The following CCDC175 variants were observed in gnomAD, a reference collection of about 807,000 sequenced individuals.
CCDC175 encodes coiled-coil domain-containing protein 175.
Under a neutral mutation model 114.6 loss-of-function variants are expected in CCDC175, and 100 were observed. That is an observed-to-expected ratio of 0.87 (90% CI 0.74 to 1.03). The LOEUF (loss-of-function observed/expected upper bound fraction) is 1.03. CCDC175 is among the 50% of genes least tolerant of loss of function. CCDC175 has a pLI of 0.00. For synonymous variants in CCDC175, 306 were observed against 308.7 expected, an observed-to-expected ratio of 0.99 and a Z score of 0.09; for missense variants, 880 against 917.8, an observed-to-expected ratio of 0.96 and a Z score of 0.53.
At chr14:59,537,205 T>G (rs73305649) in intron 13 of CCDC175, among the ~76,000 whole-genome samples, 2,575 of 152,312 alleles carry the variant, frequency 0.017, 69 homozygotes, top group African/African-American at 0.058. Context: ...GTGACTACTT[T>G]CTTTTGGTTA....
At chr14:59,575,077 C>A in intron 1 of CCDC175, 49 bp from the exon 2 acceptor site, 2 of 1,035,284 alleles carry the variant, frequency 1.9e-6, no homozygotes, top group Non-Finnish European at 2.8e-6. Flanking sequence ...CTATCCAAAT[C>A]CTACTTAACC....
At chr14:59,534,415 A>T (rs1434823173) in intron 13 of CCDC175, among the ~76,000 whole-genome samples, 4 of 152,042 alleles carry the variant, frequency 2.6e-5, no homozygotes, top group Non-Finnish European at 5.9e-5. Flanking sequence ...ATTCCAGTCC[A>T]CCCTCGCTCA....
At chr14:59,550,795 C>T (rs1457418014) in intron 8 of CCDC175, among the ~76,000 whole-genome samples, 2 of 152,144 alleles carry the variant, frequency 1.3e-5, no homozygotes, top group South Asian at 2.1e-4. Context: ...CCTGGCCGCA[C>T]TGGCAGCTGA....
chr14:59,507,312 C>T (rs1329879583), intron 19 of CCDC175, among the ~76,000 whole-genome samples: 1 of 152,228 alleles, frequency 6.6e-6, no homozygotes, highest in African/African-American at 2.4e-5. Context: ...CTGATAGCCA[C>T]TTTCTAGAAG....
In CCDC175 at chr14:59,519,727, T is replaced by C. The variant is rs370003063; in HGVS notation, c.2098+1847A>G. 1.3e-4 allele frequency among the ~76,000 whole-genome samples: 20 copies of C among 152,340 alleles called. 2 individuals are homozygous for C. Among genetic ancestry groups the C allele is most frequent in the Admixed American group, 8.5e-4 (13 of 15,304 alleles). ...TGACATGATGCTGACACTTCTTCCA[T>C]TGAGAGGTGGTGGCTATGACCCCTC... On this transcript the variant is annotated intron_variant, in intron 17 of 19. Transcript: ENST00000537690.
At chr14:59,565,730 T>C in intron 4 of CCDC175, among the ~76,000 whole-genome samples, 1 of 150,950 alleles carries the variant, frequency 6.6e-6, no homozygotes, top group East Asian at 1.9e-4. Flanking sequence ...AAAATTGAGA[T>C]GAGGACAGAA....
At position 59,576,612 on chromosome 14, in the gene CCDC175, G is replaced by A. The variant is rs776773115; in HGVS notation, c.157+7C>T. 1.1e-5 allele frequency: 16 copies of A among 1,442,270 alleles called. No individual in the cohort carries two copies. In the South Asian group the frequency reaches 2.3e-4, roughly 20 times the overall value. The allele number at this position is 1,442,270 out of a possible 1,614,324, so 89.3% of individuals were successfully genotyped here. A position where few individuals can be genotyped will look rare whatever the true frequency, so the allele number is the denominator to read the frequency against. On this transcript the variant is annotated splice_region_variant and intron_variant, in intron 1 of 19. Coordinates refer to ENST00000537690, the MANE Select transcript of CCDC175 (RefSeq NM_001164399.2). ...ACGTCCCTTCCAGCGCCCGAGGGGC[G>A]TCTTACCCACAACAAACAGCTGCTC...
intron 14 of CCDC175, among the ~76,000 whole-genome samples, chr14:59,530,775 G>A (rs74059541): frequency 0.018 from 2,761 of 152,214 alleles, 78 homozygotes; most frequent in African/African-American, 0.063. Context: ...TGACACAGGC[G>A]ATTTTAATTC....
chr14:59,558,123 G>A (rs572477813), intron 7 of CCDC175, among the ~76,000 whole-genome samples: 32 of 152,264 alleles, frequency 2.1e-4, no homozygotes, highest in Non-Finnish European at 4.0e-4. Flanking sequence ...AGCTTTTCAG[G>A]TGGAAGAAAC....
chr14:59,535,816 G>A (rs968885430), intron 13 of CCDC175, among the ~76,000 whole-genome samples: 3 of 152,332 alleles, frequency 2.0e-5, no homozygotes, highest in South Asian at 2.1e-4. Flanking sequence ...AGGCGGACTC[G>A]CCACACCATT....
chr14:59,575,396 C>A (rs1281969252), intron 1 of CCDC175, among the ~76,000 whole-genome samples: 3 of 151,338 alleles, frequency 2.0e-5, no homozygotes, highest in Non-Finnish European at 4.4e-5. Context: ...ATCTAGAGAT[C>A]AAGTATGAAA....
intron 16 of CCDC175, among the ~76,000 whole-genome samples, chr14:59,523,589 A>G (rs1893545463): frequency 6.6e-6 from 1 of 152,226 alleles, no homozygotes; most frequent in Admixed American, 6.5e-5. Context: ...CATTGTGCAA[A>G]ACACTTGGGG....
chr14:59,523,232 A>G (rs1162580246), intron 16 of CCDC175, among the ~76,000 whole-genome samples: 1 of 152,244 alleles, frequency 6.6e-6, no homozygotes, highest in Non-Finnish European at 1.5e-5. Context: ...ATGAAGGTGC[A>G]TTGCATGTGT....
At chr14:59,523,758 G>C (rs1893558940) in intron 16 of CCDC175, among the ~76,000 whole-genome samples, 1 of 152,188 alleles carries the variant, frequency 6.6e-6, no homozygotes, top group Non-Finnish European at 1.5e-5. Context: ...GGGAGGCCGA[G>C]GCGGGCGGAT....
chr14:59,564,339 ATCCTG>A, intron 5 of CCDC175: 2 of 153,004 alleles, frequency 1.3e-5, no homozygotes. Context: ...GCAGCTTGTA[ATCCTG>A]GAAAACTTCT....
chr14:59,538,123 A>G lies in CCDC175; in HGVS notation c.1523T>C (p.Phe508Ser). 1 of 1,534,620 alleles carries G rather than the reference A, an allele frequency of 6.5e-7. No homozygotes were observed. Among genetic ancestry groups the G allele is most frequent in the Non-Finnish European group, 8.7e-7 (1 of 1,144,530 alleles). The change falls in exon 13 of 20, where the codon TTT (phenylalanine) becomes TCT (serine). Residue 508 changes from phenylalanine to serine, a missense_variant. Coordinates refer to ENST00000537690, the MANE Select transcript of CCDC175 (RefSeq NM_001164399.2). ...TSFRQQEISG[F>S]VAQIEKLTTE... ...TGTAAGTTTTTCAATCTGTGCCACA[A>G]ATCCACTGATCTCCTGTTGTCTGAA...
rs114379180 is a variant in CCDC175, at chr14:59,534,357, C to T, written c.1624-2447G>A. 7.6e-3 allele frequency among the ~76,000 whole-genome samples: 1,164 copies of T among 152,286 alleles called. 14 individuals carry two copies. The highest frequency in any genetic ancestry group is 0.026 in the African/African-American group (1,097 of 41,556). On this transcript the variant is annotated intron_variant, in intron 13 of 19. Transcript: ENST00000537690. ...ACAGGCTCCAGTTTCTGATCCAGGT[C>T]CCCCATCTCCCTGAAGGTGGAGCGT...
intron 7 of CCDC175, among the ~76,000 whole-genome samples, chr14:59,553,814 C>A (rs1273269154): frequency 6.6e-6 from 1 of 152,098 alleles, no homozygotes; most frequent in Non-Finnish European, 1.5e-5. Flanking sequence ...GGGTTGCAAT[C>A]CTAGTCTCTC....
At chr14:59,552,243 C>A (rs956248605) in intron 7 of CCDC175, among the ~76,000 whole-genome samples, 4 of 152,188 alleles carry the variant, frequency 2.6e-5, no homozygotes, top group African/African-American at 7.2e-5. Flanking sequence ...GACACGTCAA[C>A]TGGCCGGGTA....
Sources: gnomAD v4.1 joint callset for allele counts (sites outside exome capture counted in the v4.1 genomes callset) on GRCh38, gnomAD v4.1.1 for gene constraint, MANE v1.5 for transcripts, NCBI Gene and HGNC (gene_info 2026-07-23, HGNC 2026-07-21) for gene names.